TNFSF4: variants seen among roughly 807,000 people sequenced by gnomAD.
The protein encoded by TNFSF4 is tumor necrosis factor ligand superfamily member 4.
A neutral mutation model predicts 7.3 loss-of-function variants in TNFSF4; 4 were observed. The observed-to-expected ratio is 0.55, with a 90% CI of 0.27 to 1.25. The LOEUF is 1.25. Ranked by LOEUF, TNFSF4 falls within the 50% of genes most tolerant of loss-of-function variation. The pLI is 0.12. For missense variants in TNFSF4, 181 were observed against 208.8 expected (o/e 0.87, Z 0.82); for synonymous variants, 76 against 83.7 (o/e 0.91, Z 0.50).
At chr1:173,244,431 AGGAGATCGAGACCATCCC>A in the TNFSF4 span, among the ~76,000 whole-genome samples, 2 of 151,954 alleles carry the variant, frequency 1.3e-5, no homozygotes, top group Admixed American at 1.3e-4. Flanking sequence ...TCACGAGGTC[AGGAGATCGAGACCATCCC>A]GGCTAAAACG....
the TNFSF4 span, among the ~76,000 whole-genome samples, chr1:173,428,307 T>C: frequency 2.0e-5 from 3 of 152,184 alleles, no homozygotes; most frequent in Non-Finnish European, 4.4e-5. Flanking sequence ...TATTTTGTTA[T>C]GAGGGGCATG....
chr1:173,296,835 G>T, the TNFSF4 span, among the ~76,000 whole-genome samples: 1 of 152,068 alleles, frequency 6.6e-6, no homozygotes, highest in South Asian at 2.1e-4. Flanking sequence ...AAATGGTATG[G>T]ATGGACAGAT....
At chr1:173,437,542 C>T in the TNFSF4 span, among the ~76,000 whole-genome samples, 1 of 152,080 alleles carries the variant, frequency 6.6e-6, no homozygotes, top group African/African-American at 2.4e-5. Flanking sequence ...TTTTTAGTGT[C>T]CTTCTCCCAC....
chr1:173,233,125 A>G, the TNFSF4 span, among the ~76,000 whole-genome samples: 1 of 152,210 alleles, frequency 6.6e-6, no homozygotes, highest in Non-Finnish European at 1.5e-5. Context: ...AGTGTAGAGA[A>G]GACCTTAAAT....
the TNFSF4 span, among the ~76,000 whole-genome samples, chr1:173,450,711 A>G: frequency 6.7e-6 from 1 of 149,662 alleles, no homozygotes; most frequent in Non-Finnish European, 1.5e-5. Context: ...AAAGTTTAGA[A>G]TAAATTCAGT....
chr1:173,429,628 T>A, the TNFSF4 span, among the ~76,000 whole-genome samples: 1 of 152,200 alleles, frequency 6.6e-6, no homozygotes, highest in African/African-American at 2.4e-5. Flanking sequence ...GAAAAGACCA[T>A]GTGGGGTGTG....
the TNFSF4 span, among the ~76,000 whole-genome samples, chr1:173,421,304 C>G: frequency 6.6e-6 from 1 of 152,036 alleles, no homozygotes. Context: ...AACTGGACAT[C>G]CTAGATTCTT....
At chr1:173,306,792 A>G in the TNFSF4 span, among the ~76,000 whole-genome samples, 1 of 151,902 alleles carries the variant, frequency 6.6e-6, no homozygotes, top group Non-Finnish European at 1.5e-5. Context: ...CATAAGCTCA[A>G]GGGAAATTCA....
the TNFSF4 span, among the ~76,000 whole-genome samples, chr1:173,436,812 T>C: frequency 6.6e-6 from 1 of 152,166 alleles, no homozygotes; most frequent in Non-Finnish European, 1.5e-5. Context: ...AGCGCTGAAA[T>C]GTCCAGAAAT....
At chr1:173,254,922 A>T in the TNFSF4 span, among the ~76,000 whole-genome samples, 2 of 152,248 alleles carry the variant, frequency 1.3e-5, no homozygotes, top group East Asian at 3.8e-4. Flanking sequence ...TTGAAGAACA[A>T]ATCTTTGCCC....
At chr1:173,345,276 GAA>G in the TNFSF4 span, among the ~76,000 whole-genome samples, 7 of 152,284 alleles carry the variant, frequency 4.6e-5, no homozygotes, top group South Asian at 1.5e-3. Flanking sequence ...AAGTTTTCTG[GAA>G]AACATTTATT....
chr1:173,349,520 C>T, the TNFSF4 span, among the ~76,000 whole-genome samples: 1 of 152,184 alleles, frequency 6.6e-6, no homozygotes, highest in East Asian at 1.9e-4. Context: ...GGTAGACAGG[C>T]TGCAGTATTA....
chr1:173,213,068 A>G, the TNFSF4 span, among the ~76,000 whole-genome samples: 1 of 152,142 alleles, frequency 6.6e-6, no homozygotes, highest in Non-Finnish European at 1.5e-5. Context: ...AAACAGCACT[A>G]TTAAATACAG....
the TNFSF4 span, among the ~76,000 whole-genome samples, chr1:173,338,801 T>A: frequency 1.4e-3 from 215 of 152,198 alleles, 1 homozygote; most frequent in African/African-American, 4.8e-3. Flanking sequence ...TTCCATTGAA[T>A]TGGAAGTTAA....
At chr1:173,362,458 T>C in the TNFSF4 span, 3 of 516,700 alleles carry the variant, frequency 5.8e-6, no homozygotes, top group African/African-American at 5.9e-5. Flanking sequence ...TAATTCCTTC[T>C]TCTGCTTCTC....
chr1:173,281,271 G>A, the TNFSF4 span, among the ~76,000 whole-genome samples: 32 of 152,222 alleles, frequency 2.1e-4, no homozygotes, highest in Non-Finnish European at 4.3e-4. Context: ...ATATATGGAA[G>A]AATTCAGATG....
At chr1:173,226,928 T>C in the TNFSF4 span, among the ~76,000 whole-genome samples, 3 of 152,232 alleles carry the variant, frequency 2.0e-5, no homozygotes, top group Non-Finnish European at 4.4e-5. Flanking sequence ...AAAGGGGAAG[T>C]ATGCTTATAT....
chr1:173,367,178 T>C, the TNFSF4 span, among the ~76,000 whole-genome samples: 2 of 152,330 alleles, frequency 1.3e-5, no homozygotes, highest in East Asian at 3.9e-4. Context: ...ACTAAACTCT[T>C]TGCTACAATT....
the TNFSF4 span, among the ~76,000 whole-genome samples, chr1:173,308,313 C>CTGTG: frequency 7.4e-6 from 1 of 135,630 alleles, no homozygotes; most frequent in African/African-American, 3.1e-5. Context: ...GTGTGTGTGT[C>CTGTG]TGTGTGTGTG....
Sources: allele counts gnomAD v4.1 joint callset (sites outside exome capture counted in the v4.1 genomes callset), GRCh38; gene constraint gnomAD v4.1.1; transcripts MANE v1.5; gene names NCBI Gene and HGNC (gene_info 2026-07-23, HGNC 2026-07-21).